The following ZYG11B variants were observed in gnomAD, a reference collection of about 807,000 sequenced individuals.
The protein encoded by ZYG11B is protein zyg-11 homolog B.
In ZYG11B, 36 loss-of-function variants were observed where a neutral mutation model predicts 82.4. The observed-to-expected ratio is 0.44, with a 90% CI of 0.33 to 0.58. The LOEUF (loss-of-function observed/expected upper bound fraction) is 0.58, where lower values mean the gene tolerates loss of function less well. Ranked by LOEUF, ZYG11B falls within the 20% of genes least tolerant of loss-of-function variation. The pLI is 0.02. For missense variants in ZYG11B, 552 were observed against 895.6 expected (o/e 0.62, Z 4.90); for synonymous variants, 303 against 312.8 (o/e 0.97, Z 0.33).
chr1:52,790,773 C>CTTTTTTT, intron 6 of ZYG11B, among the ~76,000 whole-genome samples: 8 of 77,682 alleles, frequency 1.0e-4, no homozygotes, highest in African/African-American at 2.1e-4. Context: ...GTCCAGTGTT[C>CTTTTTTT]TTTTTTTTTT....
At chr1:52,780,612 A>G (rs570536269) in intron 4 of ZYG11B, among the ~76,000 whole-genome samples, 3 of 152,120 alleles carry the variant, frequency 2.0e-5, no homozygotes, top group Non-Finnish European at 4.4e-5. Flanking sequence ...ATTACTCCGC[A>G]ATTAAGTTTT....
intron 2 of ZYG11B, among the ~76,000 whole-genome samples, chr1:52,760,189 T>A (rs1479441547): frequency 6.6e-6 from 1 of 152,182 alleles, no homozygotes; most frequent in Non-Finnish European, 1.5e-5. Context: ...ACGCCTGTAA[T>A]CCAAGTACTT....
chr1:52,783,985 C>CATAT (rs1553260890), intron 4 of ZYG11B, among the ~76,000 whole-genome samples: 1 of 146,156 alleles, frequency 6.8e-6, no homozygotes, highest in Non-Finnish European at 1.5e-5. Context: ...CACACACACA[C>CATAT]ATATATATAT....
intron 8 of ZYG11B, among the ~76,000 whole-genome samples, chr1:52,797,390 A>G (rs1187674799): frequency 2.7e-5 from 2 of 72,738 alleles, no homozygotes; most frequent in African/African-American, 5.8e-5. Context: ...TAATACATAT[A>G]TATCATATAT....
At chr1:52,736,179 A>G (rs1332733232) in intron 1 of ZYG11B, among the ~76,000 whole-genome samples, 1 of 152,202 alleles carries the variant, frequency 6.6e-6, no homozygotes, top group Non-Finnish European at 1.5e-5. Flanking sequence ...AGCCATTCAT[A>G]TAGACAGCAG....
In ZYG11B at chr1:52,827,165, C is replaced by T. The variant is rs1031350062; in HGVS notation, c.*5536C>T. The T allele has an allele frequency of 6.6e-6, 1 of 152,204 alleles. No individual in the cohort carries two copies. The highest frequency in any genetic ancestry group is 6.5e-5 in the Admixed American group (1 of 15,282). 9.4% of individuals were successfully genotyped at this position (152,204 alleles called of 1,614,324 possible). Reference sequence around the variant, plus strand: ...TTGGAAAGTGTGTATATTTCAAAGACTCTCAATTATCTGGACTGAAGGCAC... The same window carrying T: ...TTGGAAAGTGTGTATATTTCAAAGATTCTCAATTATCTGGACTGAAGGCAC... On this transcript the variant is annotated 3_prime_UTR_variant, in exon 14 of 14. Transcript: ENST00000294353.
intron 1 of ZYG11B, among the ~76,000 whole-genome samples, chr1:52,732,908 G>A (rs957862102): frequency 2.6e-5 from 4 of 151,762 alleles, no homozygotes; most frequent in Non-Finnish European, 4.4e-5. Context: ...CGGGGGGCGC[G>A]GAGGTTGCAG....
intron 3 of ZYG11B, 56 bp from the exon 4 acceptor site, chr1:52,779,797 A>G: frequency 1.2e-6 from 2 of 1,600,734 alleles, no homozygotes; most frequent in Non-Finnish European, 1.7e-6. Context: ...GCCACACATG[A>G]TAATTAGATA....
intron 1 of ZYG11B, among the ~76,000 whole-genome samples, chr1:52,749,836 A>G (rs1387575401): frequency 6.6e-6 from 1 of 152,174 alleles, no homozygotes; most frequent in Non-Finnish European, 1.5e-5. Context: ...TACAGGCATG[A>G]GCCACCGTGC....
At chr1:52,738,231 A>G (rs1361882707) in intron 1 of ZYG11B, among the ~76,000 whole-genome samples, 1 of 152,098 alleles carries the variant, frequency 6.6e-6, no homozygotes, top group Non-Finnish European at 1.5e-5. Flanking sequence ...TTTTTTTGAG[A>G]CAAGGTCTTC....
intron 4 of ZYG11B, among the ~76,000 whole-genome samples, chr1:52,783,073 C>T (rs1195922708): frequency 1.3e-5 from 2 of 151,900 alleles, no homozygotes; most frequent in African/African-American, 4.8e-5. Flanking sequence ...ATTATAGGCA[C>T]CTGCCACCAC....
At position 52,776,229 on chromosome 1, in the gene ZYG11B, A is replaced by AAAATATATATATATAT; in HGVS notation, c.952-3623_952-3622insAATATATATATATATA. On this transcript the variant is annotated intron_variant, in intron 3 of 13. Coordinates refer to ENST00000294353, the MANE Select transcript of ZYG11B (RefSeq NM_024646.3). Reference sequence around the variant, plus strand: ...AGCAAAACTCTGTCTTAAAAAAAAAAATATATATATATATATGCAATAAAG... The same window carrying AAAATATATATATATAT: ...AGCAAAACTCTGTCTTAAAAAAAAAAAAATATATATATATATATATATATATATATATGCAATAAAG... Among the ~76,000 whole-genome samples, 24 of 23,534 alleles carry AAAATATATATATATAT rather than the reference A, an allele frequency of 1.0e-3. 3 individuals are homozygous for AAAATATATATATATAT. The highest frequency in any genetic ancestry group is 2.7e-3 in the East Asian group (4 of 1,494). 15.4% of individuals were successfully genotyped at this position (23,534 alleles called of 152,430 possible).
chr1:52,781,582 C>T (rs1033048784), intron 4 of ZYG11B, among the ~76,000 whole-genome samples: 1 of 152,124 alleles, frequency 6.6e-6, no homozygotes, highest in African/African-American at 2.4e-5. Context: ...CAGGAATCTA[C>T]GTTTTAATAA....
At chr1:52,730,014 C>G (rs1930306) in intron 1 of ZYG11B, among the ~76,000 whole-genome samples, 90,218 of 151,904 alleles carry the variant, frequency 0.59, 27,911 homozygotes, top group East Asian at 0.97. Flanking sequence ...CGCCATGTTG[C>G]CTAGGCTGGC....
chr1:52,744,742 T>A (rs1442499458), intron 1 of ZYG11B, among the ~76,000 whole-genome samples: 1 of 152,114 alleles, frequency 6.6e-6, no homozygotes, highest in African/African-American at 2.4e-5. Context: ...CTCAGGAGGC[T>A]GAGGCAGGAG....
chr1:52,822,108 G>T lies in ZYG11B; in HGVS notation c.*479G>T, dbSNP rs1417108095. 1 of 152,374 alleles carries T rather than the reference G, an allele frequency of 6.6e-6. No homozygotes were observed. The highest frequency in any genetic ancestry group is 1.5e-5 in the Non-Finnish European group (1 of 68,172). The allele number at this position is 152,374 out of a possible 1,614,324, so 9.4% of individuals were successfully genotyped here. A position where few individuals can be genotyped will look rare whatever the true frequency, so the allele number is the denominator to read the frequency against. Reference sequence around the variant, plus strand: ...ATAAGATGTCCTTCTTAGTGTGAAAGAAGGGAAATGTGGATCATCTTGTGG... The same window carrying T: ...ATAAGATGTCCTTCTTAGTGTGAAATAAGGGAAATGTGGATCATCTTGTGG... On this transcript the variant is annotated 3_prime_UTR_variant, in exon 14 of 14. Coordinates refer to ENST00000294353, the MANE Select transcript of ZYG11B (RefSeq NM_024646.3).
intron 2 of ZYG11B, among the ~76,000 whole-genome samples, chr1:52,760,605 G>C (rs374273450): frequency 1.3e-5 from 2 of 151,958 alleles, no homozygotes; most frequent in Admixed American, 1.3e-4. Context: ...TTTTTTGTGT[G>C]TTAAAAAATT....
chr1:52,787,289 G>A (rs1258883652), intron 5 of ZYG11B, among the ~76,000 whole-genome samples: 1 of 152,172 alleles, frequency 6.6e-6, no homozygotes, highest in Admixed American at 6.6e-5. Flanking sequence ...TTTAAAAAAT[G>A]CAGAAGAGTA....
chr1:52,819,588 C>T (rs1168016498), intron 13 of ZYG11B, among the ~76,000 whole-genome samples: 9 of 151,884 alleles, frequency 5.9e-5, no homozygotes, highest in African/African-American at 2.2e-4. Context: ...GAGATCGAGA[C>T]CATCCTGGCT....
Sources: allele counts gnomAD v4.1 joint callset (sites outside exome capture counted in the v4.1 genomes callset), GRCh38; gene constraint gnomAD v4.1.1; transcripts MANE v1.5; gene names NCBI Gene and HGNC (gene_info 2026-07-23, HGNC 2026-07-21).